Variants in FOXK2 observed in about 807,000 individuals in gnomAD.
FOXK2 encodes forkhead box K2.
In FOXK2, 24 loss-of-function variants were observed where a neutral mutation model predicts 53.3. The observed-to-expected ratio is 0.45, with a 90% confidence interval of 0.33 to 0.63. FOXK2 has a LOEUF of 0.63. Among genes scored for constraint, FOXK2 ranks in the 30% least tolerant of loss-of-function variants. FOXK2 has a pLI of 0.03. For synonymous variants in FOXK2, 505 were observed against 407.1 expected (o/e 1.24, Z -2.89); for missense variants, 952 against 910.5 (o/e 1.05, Z -0.59).
intron 4 of FOXK2, chr17:82,576,909 C>T: frequency 2.3e-6 from 1 of 431,510 alleles, no homozygotes; most frequent in Non-Finnish European, 4.2e-6. Context: ...CCTGTAATCC[C>T]AGCACTTTGG....
intron 3 of FOXK2, 64 bp downstream of exon 3, chr17:82,568,265 G>A (rs1240332944): frequency 6.3e-7 from 1 of 1,575,190 alleles, no homozygotes; most frequent in African/African-American, 1.4e-5. Context: ...GGCCCTCAAT[G>A]TCACCTGCCT....
chr17:82,538,724 G>T (rs1045228538), intron 1 of FOXK2, among the ~76,000 whole-genome samples: 1 of 152,098 alleles, frequency 6.6e-6, no homozygotes. Context: ...TTCCAGCCGG[G>T]CCCTTCCTCA....
chr17:82,587,557 G>T, intron 8 of FOXK2: 1 of 454,038 alleles, frequency 2.2e-6, no homozygotes, highest in Admixed American at 3.4e-5. Context: ...TGGCCTGGAA[G>T]CGGCCTGAAA....
At chr17:82,558,578 C>T (rs897018804) in intron 1 of FOXK2, among the ~76,000 whole-genome samples, 2 of 152,180 alleles carry the variant, frequency 1.3e-5, no homozygotes, top group African/African-American at 2.4e-5. Flanking sequence ...AGGAAGAGAT[C>T]GCCTCTTTCC....
At chr17:82,583,850 C>G (rs1304651759) in intron 5 of FOXK2, among the ~76,000 whole-genome samples, 163 bp from the exon 6 acceptor site, 4 of 152,210 alleles carry the variant, frequency 2.6e-5, no homozygotes, top group African/African-American at 7.2e-5. Flanking sequence ...GTGTCCCGCT[C>G]AGTTCACAGG....
At chr17:82,588,886 T>TAAAA (rs71369024) in intron 8 of FOXK2, among the ~76,000 whole-genome samples, 3 of 122,052 alleles carry the variant, frequency 2.5e-5, no homozygotes, top group Admixed American at 1.7e-4. Context: ...CCATTTCTAC[T>TAAAA]AAAAAAAAAA....
intron 8 of FOXK2, 32 bp from the exon 9 acceptor site, chr17:82,601,271 C>T (rs555224066): frequency 1.3e-5 from 21 of 1,596,446 alleles, no homozygotes; most frequent in African/African-American, 6.7e-5. Flanking sequence ...CACGTGAGAG[C>T]GTGGGGTTCT....
intron 1 of FOXK2, among the ~76,000 whole-genome samples, chr17:82,548,393 G>T (rs1316985786): frequency 6.6e-6 from 1 of 152,072 alleles, no homozygotes; most frequent in African/African-American, 2.4e-5. Flanking sequence ...ATCAACCGTG[G>T]TTTAATTTGC....
At chr17:82,531,966 G>A (rs888821596) in intron 1 of FOXK2, among the ~76,000 whole-genome samples, 3 of 151,988 alleles carry the variant, frequency 2.0e-5, no homozygotes, top group African/African-American at 7.3e-5. Flanking sequence ...TCAGCTTCCC[G>A]AGTAGCTGGG....
chr17:82,590,187 T>G (rs1193044471), intron 8 of FOXK2, among the ~76,000 whole-genome samples: 3 of 152,204 alleles, frequency 2.0e-5, no homozygotes, highest in Non-Finnish European at 4.4e-5. Context: ...CAGATGGGCT[T>G]TAAGAAAAGA....
intron 8 of FOXK2, chr17:82,593,252 A>G (rs1345432734): frequency 2.2e-5 from 3 of 135,886 alleles, no homozygotes; most frequent in African/African-American, 5.5e-5. Flanking sequence ...TCCCTGTGCC[A>G]GGCAGAGGCT....
intron 8 of FOXK2, among the ~76,000 whole-genome samples, chr17:82,592,842 G>C (rs930757570): frequency 2.0e-5 from 3 of 152,166 alleles, no homozygotes; most frequent in African/African-American, 7.2e-5. Context: ...AGGTCTCCCT[G>C]TGCCAGGCAC....
intron 1 of FOXK2, among the ~76,000 whole-genome samples, chr17:82,529,471 C>T (rs993604667): frequency 1.3e-5 from 2 of 151,090 alleles, no homozygotes; most frequent in African/African-American, 4.9e-5. Flanking sequence ...CTCACTGCAA[C>T]CTCCGCCTCC....
intron 4 of FOXK2, chr17:82,576,657 C>G: frequency 8.6e-7 from 1 of 1,160,522 alleles, no homozygotes; most frequent in Middle Eastern, 2.0e-4. Context: ...AGATGATTGA[C>G]ACAACGAAGT....
At chr17:82,589,642 T>TTCC in intron 8 of FOXK2, among the ~76,000 whole-genome samples, 1 of 152,242 alleles carries the variant, frequency 6.6e-6, no homozygotes, top group Non-Finnish European at 1.5e-5. Flanking sequence ...GAGGGCCTGT[T>TTCC]TCCACTCAGG....
At chr17:82,563,256 T>C in intron 1 of FOXK2, 98 bp from the exon 2 acceptor site, 3 of 1,138,454 alleles carry the variant, frequency 2.6e-6, no homozygotes, top group Middle Eastern at 2.1e-4. Context: ...GTTGCATCCA[T>C]GTTCTCAGCT....
rs963026198 is a variant in FOXK2 at position 82,537,619 on chromosome 17, CAAAAAA to C, written c.419+17330_419+17335del. Among the ~76,000 whole-genome samples, 342 of 53,038 alleles carry C rather than the reference CAAAAAA, an allele frequency of 6.4e-3. 2 individuals carry two copies. The highest frequency in any genetic ancestry group is 0.032 in the Middle Eastern group (2 of 62). 34.8% of individuals were successfully genotyped at this position (53,038 alleles called of 152,430 possible). On this transcript the variant is annotated intron_variant, in intron 1 of 8. Transcript: ENST00000335255. The stretch of plus-strand genomic sequence containing the variant: ...GGGCGACAAGAGTGAGACTCCATCT[CAAAAAA>C]AAAAAAAAAAAAAAAAAGGCCAGGC...
In FOXK2 at chr17:82,564,357, G is replaced by A. The variant is rs576832454; in HGVS notation, c.614+809G>A. ...CTCCCAAAGTGCTGGGATTACAGGC[G>A]TGAGCTACCACAGCTGGCTGGTTTT... On this transcript the variant is annotated intron_variant, in intron 2 of 8. Transcript: ENST00000335255. Among the ~76,000 whole-genome samples, 62 of 151,950 alleles carry A rather than the reference G, an allele frequency of 4.1e-4. No homozygotes were observed. The East Asian group carries it at 8.4e-3, about 20-fold the overall frequency.
chr17:82,550,569 C>T (rs1210546278), intron 1 of FOXK2, among the ~76,000 whole-genome samples: 4 of 143,980 alleles, frequency 2.8e-5, no homozygotes, highest in Non-Finnish European at 6.0e-5. Flanking sequence ...GTGGCGCAAT[C>T]TCGGCTCACT....
Sources: allele counts gnomAD v4.1 joint callset (sites outside exome capture counted in the v4.1 genomes callset), GRCh38; gene constraint gnomAD v4.1.1; transcripts MANE v1.5; gene names NCBI Gene and HGNC (gene_info 2026-07-23, HGNC 2026-07-21).